The following PARVA variants were observed in gnomAD, a reference collection of about 807,000 sequenced individuals.
The protein encoded by PARVA is parvin alpha, also known as alpha-parvin.
PARVA carries 25 observed loss-of-function variants against 52.6 expected under a neutral mutation model. The ratio of observed to expected loss-of-function variants is 0.48; its 90% CI spans 0.35 to 0.66. The LOEUF (loss-of-function observed/expected upper bound fraction) is 0.66, where lower values mean the gene tolerates loss of function less well. PARVA is among the 30% of genes least tolerant of loss of function. The probability of loss-of-function intolerance (pLI) is 0.01; values close to 1 mark genes in which losing one functional copy is unlikely to be tolerated. For synonymous variants in PARVA, 185 were observed against 179.1 expected (o/e 1.03, Z -0.26); for missense variants, 373 against 450.9 (o/e 0.83, Z 1.56).
Position 12,513,307 on chromosome 11 carries a change from G to A in PARVA, c.745G>A (p.Ala249Thr). ...GTTTCCCTCTTTTTCAGAACGTGATGCCTTTGACACCTTGTTCGACCATGC... is the reference window on the plus strand; with the variant it reads ...GTTTCCCTCTTTTTCAGAACGTGATACCTTTGACACCTTGTTCGACCATGC... ...EALSGRHERD[A>T]FDTLFDHAPD... Residue 249 changes from alanine (A) to threonine (T), a missense_variant, in exon 9 of 13, where the codon GCC becomes ACC. Ala to Thr is a moderately conservative substitution (Grantham distance 58). Transcript: ENST00000334956. 1 of 1,613,696 alleles carries A rather than the reference G, an allele frequency of 6.2e-7. No individual in the cohort carries two copies. The highest frequency in any genetic ancestry group is 8.5e-7 in the Non-Finnish European group (1 of 1,179,640).
rs530768824 is a variant in PARVA at position 12,529,031 on chromosome 11, A to G, written c.*1106A>G. 2 of 152,652 alleles carry G rather than the reference A, an allele frequency of 1.3e-5. No individual in the cohort carries two copies. Among genetic ancestry groups the G allele is most frequent in the Non-Finnish European group, 2.9e-5 (2 of 68,046 alleles). The allele number at this position is 152,652 out of a possible 1,614,324, so 9.5% of individuals were successfully genotyped here. A position where few individuals can be genotyped will look rare whatever the true frequency, so the allele number is the denominator to read the frequency against. On this transcript the variant is annotated 3_prime_UTR_variant, in exon 13 of 13. Coordinates refer to ENST00000334956, the MANE Select transcript of PARVA (RefSeq NM_018222.5). The stretch of plus-strand genomic sequence containing the variant: ...AGAGAGCTGGGCACGGGCCCATGTG[A>G]GCATCACTTTGGAAGTAGGGCTCTT...
intron 1 of PARVA, among the ~76,000 whole-genome samples, chr11:12,405,020 G>T (rs555016756): frequency 1.3e-5 from 2 of 152,256 alleles, no homozygotes; most frequent in African/African-American, 4.8e-5. Flanking sequence ...GGGTATCTAG[G>T]TGCAACTCAT....
At chr11:12,474,225 G>A (rs1940974112) in intron 3 of PARVA, among the ~76,000 whole-genome samples, 1 of 152,090 alleles carries the variant, frequency 6.6e-6, no homozygotes, top group Non-Finnish European at 1.5e-5. Flanking sequence ...GTTCAGTACA[G>A]GTAAGCTCAC....
At chr11:12,487,486 C>T (rs1028000567) in intron 4 of PARVA, among the ~76,000 whole-genome samples, 7 of 152,098 alleles carry the variant, frequency 4.6e-5, no homozygotes, top group Middle Eastern at 3.4e-3. Flanking sequence ...TAAAATGGAA[C>T]ATTCATTTTC....
intron 12 of PARVA, among the ~76,000 whole-genome samples, chr11:12,524,528 C>T (rs1302870053): frequency 6.6e-6 from 1 of 152,202 alleles, no homozygotes; most frequent in Non-Finnish European, 1.5e-5. Flanking sequence ...CCCCAAATTC[C>T]TCCTTTGCGA....
chr11:12,416,288 A>G (rs983043812), intron 1 of PARVA, among the ~76,000 whole-genome samples: 3 of 152,154 alleles, frequency 2.0e-5, no homozygotes, highest in African/African-American at 7.2e-5. Context: ...TTAAGAAAGC[A>G]GAGTCTACAC....
rs184399415 is a variant in PARVA, at chr11:12,405,811, A to T, written c.136+28028A>T. Among the ~76,000 whole-genome samples the T allele has an allele frequency of 1.2e-3, 185 of 152,260 alleles. 3 individuals carry two copies. In the East Asian group the frequency reaches 0.03, roughly 25 times the overall value. On this transcript the variant is annotated intron_variant, in intron 1 of 12. Transcript: ENST00000334956. ...ATCTCTACTAAAAAATACAAAAATTAGCTGGGCGCAGTGGCAGGTGCCTGT... is the reference window on the plus strand; with the variant it reads ...ATCTCTACTAAAAAATACAAAAATTTGCTGGGCGCAGTGGCAGGTGCCTGT...
At chr11:12,448,782 T>C (rs1940581779) in intron 1 of PARVA, among the ~76,000 whole-genome samples, 1 of 152,200 alleles carries the variant, frequency 6.6e-6, no homozygotes, top group African/African-American at 2.4e-5. Context: ...GGGATCATTG[T>C]CTATCTTGAA....
At chr11:12,477,341 C>T (rs1207768546) in intron 3 of PARVA, 1 of 154,752 alleles carries the variant, frequency 6.5e-6, no homozygotes, top group Non-Finnish European at 1.4e-5. Flanking sequence ...GTGATCTGCC[C>T]GCCTCGACCT....
intron 1 of PARVA, among the ~76,000 whole-genome samples, chr11:12,428,274 A>T (rs1940265771): frequency 6.6e-6 from 1 of 152,220 alleles, no homozygotes; most frequent in South Asian, 2.1e-4. Context: ...TATCGTGTGC[A>T]GGCCACTTCA....
chr11:12,492,237 C>A (rs1344788508), intron 4 of PARVA, among the ~76,000 whole-genome samples: 4 of 152,092 alleles, frequency 2.6e-5, no homozygotes, highest in African/African-American at 9.7e-5. Flanking sequence ...ATAATCTCTC[C>A]AAAAGCAAAT....
chr11:12,492,206 C>T (rs765771695), intron 4 of PARVA, among the ~76,000 whole-genome samples: 2 of 152,314 alleles, frequency 1.3e-5, no homozygotes, highest in South Asian at 4.1e-4. Context: ...CTTTTGACTA[C>T]TGTTTCATTG....
Position 12,533,635 on chromosome 11 carries a change from C to T in PARVA, c.*5710C>T, listed in dbSNP as rs866034676. ...TACTAATAGCCTTACTGAACACGGT[C>T]AATTAACACATAGCTAGTATGTTAT... On this transcript the variant is annotated 3_prime_UTR_variant, in exon 13 of 13. Coordinates refer to ENST00000334956, the MANE Select transcript of PARVA (RefSeq NM_018222.5). 3.9e-5 allele frequency among the ~76,000 whole-genome samples: 6 copies of T among 152,240 alleles called. No homozygotes were observed. Among genetic ancestry groups the T allele is most frequent in the Middle Eastern group, 3.4e-3 (1 of 294 alleles).
intron 1 of PARVA, among the ~76,000 whole-genome samples, chr11:12,447,162 GTCAATC>G (rs1362812107): frequency 6.6e-6 from 1 of 152,150 alleles, no homozygotes; most frequent in African/African-American, 2.4e-5. Flanking sequence ...CCATGTAAAG[GTCAATC>G]TCATGACACA....
chr11:12,522,789 T>TAAAA (rs59606718), intron 12 of PARVA, among the ~76,000 whole-genome samples: 78 of 147,496 alleles, frequency 5.3e-4, no homozygotes, highest in African/African-American at 1.8e-3. Context: ...GTAAAACTGT[T>TAAAA]AAAAAAAAAA....
At chr11:12,414,637 AT>A (rs11403070) in intron 1 of PARVA, among the ~76,000 whole-genome samples, 61 of 147,136 alleles carry the variant, frequency 4.1e-4, no homozygotes, top group Middle Eastern at 3.5e-3. Flanking sequence ...TGAAAATTTC[AT>A]TTTTTTTTTT....
At chr11:12,405,953 C>G (rs1939899895) in intron 1 of PARVA, among the ~76,000 whole-genome samples, 1 of 151,824 alleles carries the variant, frequency 6.6e-6, no homozygotes, top group Non-Finnish European at 1.5e-5. Flanking sequence ...GAGTCTGTCT[C>G]AAAAGAAAAA....
intron 7 of PARVA, 128 bp from the exon 8 acceptor site, chr11:12,511,386 C>T: frequency 1.0e-6 from 1 of 961,534 alleles, no homozygotes; most frequent in Non-Finnish European, 1.6e-6. Flanking sequence ...GCTCCTCAAC[C>T]AAGGGCAGGT....
intron 12 of PARVA, among the ~76,000 whole-genome samples, chr11:12,525,202 T>C (rs1204970148): frequency 6.6e-6 from 1 of 152,096 alleles, no homozygotes; most frequent in Non-Finnish European, 1.5e-5. Flanking sequence ...CAATTTAGGA[T>C]TTTGGACCTT....
Sources: allele counts gnomAD v4.1 joint callset (sites outside exome capture counted in the v4.1 genomes callset), GRCh38; gene constraint gnomAD v4.1.1; transcripts MANE v1.5; gene names NCBI Gene and HGNC (gene_info 2026-07-23, HGNC 2026-07-21).